Variants in FBP1 observed in about 807,000 individuals in gnomAD.
The protein encoded by FBP1 is fructose-bisphosphatase 1, also known as fructose-1,6-bisphosphatase 1.
Under a neutral mutation model 29.9 loss-of-function variants are expected in FBP1, and 22 were observed. The ratio of observed to expected loss-of-function variants is 0.74; its 90% CI spans 0.53 to 1.05. FBP1 has a LOEUF of 1.05. FBP1 is among the 50% of genes least tolerant of loss of function. The probability of loss-of-function intolerance (pLI) is 0.00; values close to 1 mark genes in which losing one functional copy is unlikely to be tolerated. For synonymous variants in FBP1, 175 were observed against 178.6 expected (o/e 0.98, Z 0.16); for missense variants, 345 against 448.2 (o/e 0.77, Z 2.08).
intron 1 of FBP1, among the ~76,000 whole-genome samples, chr9:94,635,239 A>G (rs1419977535): frequency 1.3e-5 from 2 of 152,274 alleles, no homozygotes; most frequent in Non-Finnish European, 2.9e-5. Context: ...GCCACAGGCC[A>G]AGTCATCTCA....
chr9:94,604,882 G>A (rs1005404538), intron 6 of FBP1, among the ~76,000 whole-genome samples: 1 of 152,178 alleles, frequency 6.6e-6, no homozygotes, highest in Admixed American at 6.5e-5. Flanking sequence ...AGCTCTGAGC[G>A]AGCGTGAGGG....
chr9:94,610,796 A>T (rs1275466227), intron 3 of FBP1, among the ~76,000 whole-genome samples: 1 of 152,150 alleles, frequency 6.6e-6, no homozygotes, highest in Non-Finnish European at 1.5e-5. Context: ...AGTTTTTCTA[A>T]CACTAGGGAA....
rs8192689 is a variant in FBP1, at chr9:94,617,761, G to A, written c.426+7C>T. On this transcript the variant is annotated splice_region_variant and intron_variant, in intron 3 of 6. Coordinates refer to ENST00000375326, the MANE Select transcript of FBP1 (RefSeq NM_000507.4). The stretch of plus-strand genomic sequence containing the variant: ...CCAAACCAAGTGCTTAAGATATCAC[G>A]TTTTACCTTTCTATAGATGCCAAAA... The A allele has an allele frequency of 0.34, 541,534 of 1,590,510 alleles. 95,582 individuals carry two copies. Among genetic ancestry groups the A allele is most frequent in the East Asian group, 0.58 (25,998 of 44,694 alleles).
intron 4 of FBP1, among the ~76,000 whole-genome samples, chr9:94,609,424 G>A (rs1248331105): frequency 1.3e-5 from 2 of 152,176 alleles, no homozygotes; most frequent in African/African-American, 2.4e-5. Context: ...GTCCATAAAT[G>A]CATTTTAGTT....
At chr9:94,622,388 C>T (rs1394510415) in intron 1 of FBP1, among the ~76,000 whole-genome samples, 1 of 152,224 alleles carries the variant, frequency 6.6e-6, no homozygotes, top group African/African-American at 2.4e-5. Flanking sequence ...CGCCCTTGGC[C>T]ATGATGGCGA....
chr9:94,613,927 A>G (rs886726818), intron 3 of FBP1, among the ~76,000 whole-genome samples: 3 of 150,458 alleles, frequency 2.0e-5, no homozygotes, highest in African/African-American at 7.4e-5. Flanking sequence ...AAAATACAAA[A>G]AAAATTAGCC....
At chr9:94,608,947 TC>T (rs1208248686) in intron 4 of FBP1, among the ~76,000 whole-genome samples, 1 of 152,194 alleles carries the variant, frequency 6.6e-6, no homozygotes, top group Non-Finnish European at 1.5e-5. Context: ...ATGCCTGTAA[TC>T]CCAGCACTTT....
At position 94,620,409 on chromosome 9, in the gene FBP1, T is replaced by A. The variant is rs911681682; in HGVS notation, c.253A>T (p.Met85Leu). The A allele has an allele frequency of 6.2e-7, 1 of 1,614,118 alleles. No individual in the cohort carries two copies. Among genetic ancestry groups the A allele is most frequent in the African/African-American group, 1.3e-5 (1 of 74,940 alleles). ...CACGTGGCAAAGGATGACTTTAACATGTTCATAACCAGGTCGTTGGAGAGG... is the reference window on the plus strand; with the variant it reads ...CACGTGGCAAAGGATGACTTTAACAAGTTCATAACCAGGTCGTTGGAGAGG... ...DVLSNDLVMN[M>L]LKSSFATCVL... The change falls in exon 2 of 7, where the codon ATG becomes TTG. Residue 85 changes from methionine (M) to leucine (L), a missense_variant. Physicochemically the swap from Met to Leu is conservative, Grantham distance 15 (BLOSUM62 2). Transcript: ENST00000375326.
Position 94,623,420 on chromosome 9 carries a change from T to A in FBP1, c.171-2929A>T, listed in dbSNP as rs28369682. Among the ~76,000 whole-genome samples, 9 of 152,300 alleles carry A rather than the reference T, an allele frequency of 5.9e-5. No homozygotes were observed. The East Asian group carries it at 1.7e-3, about 29-fold the overall frequency. On this transcript the variant is annotated intron_variant, in intron 1 of 6. Coordinates refer to ENST00000375326, the MANE Select transcript of FBP1 (RefSeq NM_000507.4). The stretch of plus-strand genomic sequence containing the variant: ...TTTCTGAGCCTCCCTCCCTTTCACA[T>A]GTGTCCAAAGAGGGAAGTGAAGTCT...
chr9:94,628,054 T>C (rs1400850120), intron 1 of FBP1, among the ~76,000 whole-genome samples: 2 of 152,188 alleles, frequency 1.3e-5, no homozygotes, highest in African/African-American at 2.4e-5. Flanking sequence ...ATTGAGCCAG[T>C]GACTTGATCT....
At chr9:94,626,852 G>A (rs908861046) in intron 1 of FBP1, among the ~76,000 whole-genome samples, 13 of 152,096 alleles carry the variant, frequency 8.5e-5, no homozygotes, top group South Asian at 2.1e-4. Context: ...TCAGGATTTC[G>A]AGACCAGCCT....
intron 1 of FBP1, among the ~76,000 whole-genome samples, chr9:94,635,020 C>G (rs142637303): frequency 0.057 from 7,847 of 137,068 alleles, 714 homozygotes; most frequent in African/African-American, 0.2. Context: ...ACCCGGGAGG[C>G]AGAGGTTGCA....
Position 94,617,825 on chromosome 9 carries a change from T to G in FBP1, c.369A>C (p.Gly123=), listed in dbSNP as rs944972043. ...KYVVCFDPLD[G]SSNIDCLVSV... is the part of the protein sequence containing the mutation. ...ACACAAGGCAATCGATGTTGGAAGATCCATCAAGGGGATCAAAACAGACCA... is the reference window on the plus strand; with the variant it reads ...ACACAAGGCAATCGATGTTGGAAGAGCCATCAAGGGGATCAAAACAGACCA... The change falls in exon 3 of 7, where the codon GGA becomes GGC. Residue 123 remains glycine, a synonymous_variant. Coordinates refer to ENST00000375326, the MANE Select transcript of FBP1 (RefSeq NM_000507.4). 3.7e-6 allele frequency: 6 copies of G among 1,613,786 alleles called. No homozygotes were observed. The African/African-American group carries it at 8.0e-5, about 22-fold the overall frequency.
chr9:94,623,576 C>T (rs1228807956), intron 1 of FBP1, among the ~76,000 whole-genome samples: 4 of 152,328 alleles, frequency 2.6e-5, no homozygotes, highest in Admixed American at 1.3e-4. Flanking sequence ...GCACTGGACA[C>T]GGATGAGGCA....
chr9:94,615,403 T>A (rs1456883504), intron 3 of FBP1, among the ~76,000 whole-genome samples: 1 of 152,100 alleles, frequency 6.6e-6, no homozygotes, highest in Admixed American at 6.6e-5. Context: ...GGGACTGAGA[T>A]GGAGAATGGG....
chr9:94,603,290 G>A lies in FBP1; in HGVS notation c.*91C>T. The A allele has an allele frequency of 9.9e-7, 1 of 1,011,932 alleles. No individual in the cohort carries two copies. Among genetic ancestry groups the A allele is most frequent in the Non-Finnish European group, 1.5e-6 (1 of 652,592 alleles). The allele number at this position is 1,011,932 out of a possible 1,614,324, so 62.7% of individuals were successfully genotyped here. A position where few individuals can be genotyped will look rare whatever the true frequency, so the allele number is the denominator to read the frequency against. On this transcript the variant is annotated 3_prime_UTR_variant, in exon 7 of 7. Coordinates refer to ENST00000375326, the MANE Select transcript of FBP1 (RefSeq NM_000507.4). ...CATGCTTTTTATTTCTGCTCTCTAGGAATGTAAGGTGCACAGCAGGTCAGG... is the reference window on the plus strand; with the variant it reads ...CATGCTTTTTATTTCTGCTCTCTAGAAATGTAAGGTGCACAGCAGGTCAGG...
At chr9:94,618,600 G>A (rs934323520) in intron 2 of FBP1, among the ~76,000 whole-genome samples, 1 of 151,956 alleles carries the variant, frequency 6.6e-6, no homozygotes, top group Non-Finnish European at 1.5e-5. Context: ...AGCCATGACT[G>A]TGCACTCCAG....
chr9:94,628,675 G>T (rs1174926160), intron 1 of FBP1, among the ~76,000 whole-genome samples: 1 of 152,184 alleles, frequency 6.6e-6, no homozygotes. Flanking sequence ...GCACAGTGTT[G>T]CACAAATGTC....
intron 3 of FBP1, among the ~76,000 whole-genome samples, chr9:94,612,959 A>C (rs1194953599): frequency 1.3e-5 from 2 of 152,128 alleles, no homozygotes; most frequent in Non-Finnish European, 2.9e-5. Context: ...GCAAAATCAG[A>C]AACCTCTGGA....
Sources: allele counts gnomAD v4.1 joint callset (sites outside exome capture counted in the v4.1 genomes callset), GRCh38; gene constraint gnomAD v4.1.1; transcripts MANE v1.5; gene names NCBI Gene and HGNC (gene_info 2026-07-23, HGNC 2026-07-21).